The following ERAP2 variants were observed in gnomAD, a reference collection of about 807,000 sequenced individuals.
The protein encoded by ERAP2 is endoplasmic reticulum aminopeptidase 2.
Under a neutral mutation model 111.1 loss-of-function variants are expected in ERAP2, and 118 were observed. That is an observed-to-expected ratio of 1.06 (90% CI 0.92 to 1.24). The LOEUF (loss-of-function observed/expected upper bound fraction) is 1.24. Ranked by LOEUF, ERAP2 falls within the 50% of genes most tolerant of loss-of-function variation. The probability of loss-of-function intolerance (pLI) is 0.00; values close to 1 mark genes in which losing one functional copy is unlikely to be tolerated. For synonymous variants in ERAP2, 410 were observed against 401.2 expected, an observed-to-expected ratio of 1.02 and a Z score of -0.26; for missense variants, 1,131 against 1,125.8, an observed-to-expected ratio of 1.00 and a Z score of -0.07.
Position 96,917,634 on chromosome 5 carries a change from C to G in ERAP2, c.*29C>G, listed in dbSNP as rs765170638. ...GTCAATAGAAAAAGTAGGCTGGGCG[C>G]GGTGGCTCACGCCTGTAATCCCAGC... is the stretch of plus-strand genomic sequence containing the variant. On this transcript the variant is annotated 3_prime_UTR_variant, in exon 19 of 19. Transcript: ENST00000437043. The G allele has an allele frequency of 2.5e-6, 4 of 1,569,170 alleles. No individual in the cohort carries two copies. The East Asian group carries it at 9.4e-5, about 37-fold the overall frequency.
In ERAP2 at chr5:96,896,431, C is replaced by T. The variant is rs867491119; in HGVS notation, c.1298C>T (p.Ser433Phe). Reference sequence around the variant, plus strand: ...ATTACAAAAGATTCATTGAATTCATCCCGCCCTATCTCCAAACCAGCGGAA... The same window carrying T: ...ATTACAAAAGATTCATTGAATTCATTCCGCCCTATCTCCAAACCAGCGGAA... Reference protein sequence around the residue: ...EVITKDSLNSSRPISKPAETP... With the variant: ...EVITKDSLNSFRPISKPAETP... Residue 433 changes from serine to phenylalanine, a missense_variant, in exon 8 of 19, where the codon TCC becomes TTC. Transcript: ENST00000437043. 1 of 1,613,000 alleles carries T rather than the reference C, an allele frequency of 6.2e-7. No individual in the cohort carries two copies. The highest frequency in any genetic ancestry group is 1.1e-5 in the South Asian group (1 of 91,032).
rs1045718264 is a variant in ERAP2, at chr5:96,913,375, C to T, written c.2575C>T (p.Leu859Phe). Residue 859 changes from leucine to phenylalanine, a missense_variant, in exon 17 of 19, where the codon CTT (leucine) becomes TTT (phenylalanine). This residue lies in a region of ERAP2 where 279 missense variants were observed against 250.9 expected (regional missense o/e 1.11). Transcript: ENST00000437043. ...VIKTQNLAAL[L>F]HAIARRPKGQ... ...CAAGACACAGAACTTGGCAGCTCTC[C>T]TTCATGCGATTGCCAGACGTCCAAA... 1 of 1,614,058 alleles carries T rather than the reference C, an allele frequency of 6.2e-7. No homozygotes were observed. Among genetic ancestry groups the T allele is most frequent in the Non-Finnish European group, 8.5e-7 (1 of 1,179,968 alleles).
Position 96,896,781 on chromosome 5 carries a change from T to C in ERAP2, c.1421T>C (p.Phe474Ser). ...MLKDFLGEEK[F>S]QKGIIQYLKK... ...AAGGATTTTCTGGGTGAGGAGAAATTCCAGAAAGGAATAATTCAGTACTTA... is the reference window on the plus strand; with the variant it reads ...AAGGATTTTCTGGGTGAGGAGAAATCCCAGAAAGGAATAATTCAGTACTTA... The change falls in exon 9 of 19, where the codon TTC becomes TCC. Residue 474 changes from phenylalanine (F) to serine (S), a missense_variant. Transcript: ENST00000437043. 1 of 1,602,608 alleles carries C rather than the reference T, an allele frequency of 6.2e-7. No individual in the cohort carries two copies. Among genetic ancestry groups the C allele is most frequent in the African/African-American group, 1.3e-5 (1 of 74,332 alleles).
chr5:96,886,524 G>GC (rs1418748387), intron 3 of ERAP2, 131 bp from the exon 4 acceptor site: 10 of 590,986 alleles, frequency 1.7e-5, no homozygotes, highest in East Asian at 6.7e-5. Flanking sequence ...AGAGGCCATT[G>GC]CCCCCCTAGG....
At chr5:96,876,484 A>C (rs1782538959), upstream of ERAP2, 1 of 152,356 alleles carries the variant, frequency 6.6e-6, no homozygotes, top group Non-Finnish European at 1.5e-5. Context: ...GTGAAAGCAA[A>C]AGTAAATTCC....
intron 13 of ERAP2, among the ~76,000 whole-genome samples, chr5:96,904,740 C>A (rs1785859655): frequency 1.3e-5 from 2 of 152,174 alleles, no homozygotes; most frequent in African/African-American, 4.8e-5. Context: ...GACAATTCAG[C>A]AAATTAATCT....
In ERAP2 at chr5:96,886,756, CT is replaced by C; in HGVS notation, c.817del (p.Ser273LeufsTer2). The C allele has an allele frequency of 6.5e-7, 1 of 1,531,214 alleles. No individual in the cohort carries two copies. The highest frequency in any genetic ancestry group is 1.7e-5 in the Admixed American group (1 of 57,898). The allele number at this position is 1,531,214 out of a possible 1,614,324, so 94.9% of individuals were successfully genotyped here. A position where few individuals can be genotyped will look rare whatever the true frequency, so the allele number is the denominator to read the frequency against. On this transcript the variant is annotated frameshift_variant, in exon 4 of 19. Coordinates refer to ENST00000437043, the MANE Select transcript of ERAP2 (RefSeq NM_022350.5). LOFTEE classifies it high-confidence loss of function. The part of the protein sequence containing the change: ...LVAYIVCDFH[S>X]LSGFTSSGVK... ...TAGCCTACATAGTTTGTGATTTCCACTCTCTGAGTGGCTTCACTTCATCAGG... is the reference window on the plus strand; with the variant it reads ...TAGCCTACATAGTTTGTGATTTCCACCTCTGAGTGGCTTCACTTCATCAGG...
At chr5:96,889,119 T>A in intron 4 of ERAP2, 66 bp from the exon 5 acceptor site, 6 of 1,593,320 alleles carry the variant, frequency 3.8e-6, no homozygotes, top group Non-Finnish European at 5.2e-6. Context: ...TGTGAGAGGG[T>A]TATCAGGAAT....
At chr5:96,895,391 T>C (rs200650761) in intron 7 of ERAP2, 32 bp downstream of exon 7, 10 of 1,357,238 alleles carry the variant, frequency 7.4e-6, no homozygotes, top group Admixed American at 3.5e-5. Flanking sequence ...TCATACTATA[T>C]GGTGTAAAGA....
chr5:96,907,403 G>A (rs1264914840), intron 13 of ERAP2, among the ~76,000 whole-genome samples: 1 of 152,160 alleles, frequency 6.6e-6, no homozygotes, highest in Admixed American at 6.5e-5. Flanking sequence ...CAATTAGGCT[G>A]GGCTGGAAAG....
At chr5:96,878,563 A>C (rs140388380) in intron 1 of ERAP2, among the ~76,000 whole-genome samples, 136 of 152,234 alleles carry the variant, frequency 8.9e-4, no homozygotes, top group African/African-American at 3.0e-3. Context: ...GGAGGCTGAG[A>C]CATCAGGATT....
At chr5:96,891,528 G>GTC (rs1784384900) in intron 5 of ERAP2, among the ~76,000 whole-genome samples, 1 of 37,170 alleles carries the variant, frequency 2.7e-5, no homozygotes. Context: ...CCCATATACG[G>GTC]TATATATACA....
intron 17 of ERAP2, 127 bp from the exon 18 acceptor site, chr5:96,915,561 C>A: frequency 2.3e-6 from 1 of 442,934 alleles, no homozygotes; most frequent in Non-Finnish European, 3.9e-6. Flanking sequence ...TGGTAATTCA[C>A]CGTATCTATT....
intron 17 of ERAP2, among the ~76,000 whole-genome samples, chr5:96,913,781 T>A (rs547279340): frequency 6.6e-6 from 1 of 152,196 alleles, no homozygotes; most frequent in Non-Finnish European, 1.5e-5. Flanking sequence ...CCCAGAAGAA[T>A]CCCAAGATGC....
intron 5 of ERAP2, among the ~76,000 whole-genome samples, chr5:96,890,057 G>A (rs1784174613): frequency 6.6e-6 from 1 of 152,122 alleles, no homozygotes; most frequent in South Asian, 2.1e-4. Context: ...AAAAATTGCA[G>A]GAAACAGATC....
At chr5:96,889,829 CAT>C (rs1032647506) in intron 5 of ERAP2, among the ~76,000 whole-genome samples, 3 of 88,150 alleles carry the variant, frequency 3.4e-5, no homozygotes, top group East Asian at 3.3e-4. Flanking sequence ...TTAAAAAATA[CAT>C]ACACACACAC....
chr5:96,892,392 C>T lies in ERAP2; in HGVS notation c.1064C>T (p.Thr355Ile), dbSNP rs375951913. 7 of 1,613,936 alleles carry T rather than the reference C, an allele frequency of 4.3e-6. No homozygotes were observed. The highest frequency in any genetic ancestry group is 1.3e-5 in the African/African-American group (1 of 74,920). Reference protein sequence around the residue: ...RETSLLFDPKTSSASDKLWVT... With the variant: ...RETSLLFDPKISSASDKLWVT... ...ACGTCACTGCTTTTTGACCCCAAGA[C>T]CTCTTCTGCTTCCGATAAACTGTGG... is the stretch of plus-strand genomic sequence containing the variant. The change falls in exon 6 of 19, where the codon ACC becomes ATC. Residue 355 changes from threonine to isoleucine, a missense_variant. This residue lies in a region of ERAP2 where 847 missense variants were observed against 856.5 expected (regional missense o/e 0.99). Coordinates refer to ENST00000437043, the MANE Select transcript of ERAP2 (RefSeq NM_022350.5).
intron 4 of ERAP2, among the ~76,000 whole-genome samples, chr5:96,888,429 T>C (rs1170597965): frequency 6.6e-6 from 1 of 152,216 alleles, no homozygotes; most frequent in Non-Finnish European, 1.5e-5. Context: ...TATGTGTTTT[T>C]ATTGCTTCAC....
rs6861294 is a variant in ERAP2, at chr5:96,878,648, C to A, written c.-122-916C>A. 1.8e-3 allele frequency among the ~76,000 whole-genome samples: 280 copies of A among 152,034 alleles called. 1 individual carries two copies. The highest frequency in any genetic ancestry group is 6.6e-3 in the African/African-American group (272 of 41,452). On this transcript the variant is annotated intron_variant, in intron 1 of 18. Coordinates refer to ENST00000437043, the MANE Select transcript of ERAP2 (RefSeq NM_022350.5). ...GTCTTTCAAAAAAAATAAAATATGG[C>A]CAGGCGCAGTGACCCACGCCTGTGA...
Sources: allele counts gnomAD v4.1 joint callset (sites outside exome capture counted in the v4.1 genomes callset), GRCh38; gene constraint gnomAD v4.1.1; regional missense constraint gnomAD v4.1.1; transcripts MANE v1.5; gene names NCBI Gene and HGNC (gene_info 2026-07-23, HGNC 2026-07-21).